C1orf21: variants seen among roughly 807,000 people sequenced by gnomAD.
The protein encoded by C1orf21 is uncharacterized protein C1orf21.
In C1orf21, 3 loss-of-function variants were observed where a neutral mutation model predicts 18.7. That is an observed-to-expected ratio of 0.16 (90% CI 0.07 to 0.42). The LOEUF is 0.42. Ranked by LOEUF, C1orf21 falls within the 10% of genes least tolerant of loss-of-function variation. The pLI, the probability that C1orf21 is intolerant of heterozygous loss-of-function variation, is 0.99. For synonymous variants in C1orf21, 41 were observed against 46.4 expected, an observed-to-expected ratio of 0.88 and a Z score of 0.47; for missense variants, 104 against 143.6, an observed-to-expected ratio of 0.72 and a Z score of 1.41.
intron 3 of C1orf21, among the ~76,000 whole-genome samples, chr1:184,538,623 G>A (rs1658596635): frequency 6.6e-6 from 1 of 152,004 alleles, no homozygotes; most frequent in African/African-American, 2.4e-5. Context: ...CCATTTTGAG[G>A]TCATTTTGTA....
In C1orf21 at chr1:184,619,678, A is replaced by G; in HGVS notation, c.*122A>G. 1 of 802,044 alleles carries G rather than the reference A, an allele frequency of 1.2e-6. No homozygotes were observed. Among genetic ancestry groups the G allele is most frequent in the East Asian group, 2.7e-5 (1 of 36,532 alleles). The allele number at this position is 802,044 out of a possible 1,614,324, so 49.7% of individuals were successfully genotyped here. A position where few individuals can be genotyped will look rare whatever the true frequency, so the allele number is the denominator to read the frequency against. On this transcript the variant is annotated 3_prime_UTR_variant, in exon 6 of 6. Transcript: ENST00000235307. Reference sequence around the variant, plus strand: ...CACTATAGCAAAAGAAGATCGTTCCATATTGTACGCCCCATTAAATTACAG... The same window carrying G: ...CACTATAGCAAAAGAAGATCGTTCCGTATTGTACGCCCCATTAAATTACAG...
intron 1 of C1orf21, among the ~76,000 whole-genome samples, chr1:184,443,275 T>A (rs1351236526): frequency 1.3e-5 from 2 of 152,208 alleles, no homozygotes; most frequent in African/African-American, 4.8e-5. Flanking sequence ...ATTATTAACA[T>A]GTAATGTAAG....
chr1:184,576,492 C>G (rs6424957), intron 3 of C1orf21, among the ~76,000 whole-genome samples: 4,789 of 152,330 alleles, frequency 0.031, 252 homozygotes, highest in African/African-American at 0.11. Flanking sequence ...CTTCTATCCT[C>G]TCACTGTCTT....
intron 2 of C1orf21, among the ~76,000 whole-genome samples, chr1:184,492,322 A>G (rs1657828389): frequency 6.6e-6 from 1 of 152,140 alleles, no homozygotes; most frequent in South Asian, 2.1e-4. Flanking sequence ...TGTGATTGCT[A>G]TGGGAGTGTT....
At chr1:184,392,552 C>A (rs1483064371) in intron 1 of C1orf21, among the ~76,000 whole-genome samples, 1 of 152,072 alleles carries the variant, frequency 6.6e-6, no homozygotes, top group African/African-American at 2.4e-5. Context: ...CACAATATAT[C>A]CATGTCACAG....
intron 1 of C1orf21, among the ~76,000 whole-genome samples, chr1:184,415,894 C>T (rs1208875918): frequency 6.6e-6 from 1 of 152,182 alleles, no homozygotes; most frequent in Non-Finnish European, 1.5e-5. Flanking sequence ...TTGATCCCAT[C>T]ATTGCAAAAG....
Position 184,594,056 on chromosome 1 carries a change from G to A in C1orf21, c.266+3241G>A, listed in dbSNP as rs568618027. Among the ~76,000 whole-genome samples, 18 of 152,326 alleles carry A rather than the reference G, an allele frequency of 1.2e-4. No individual in the cohort carries two copies. In the South Asian group the frequency reaches 3.7e-3, roughly 32 times the overall value. On this transcript the variant is annotated intron_variant, in intron 4 of 5. Transcript: ENST00000235307. The stretch of plus-strand genomic sequence containing the variant: ...GGAACTCACATGGAGTCAGCTATGG[G>A]TGGTTGTCAAGGTCCTCACTTTTGT...
intron 1 of C1orf21, among the ~76,000 whole-genome samples, chr1:184,449,225 G>A (rs1434210365): frequency 2.0e-5 from 3 of 148,090 alleles, no homozygotes; most frequent in Admixed American, 1.4e-4. Context: ...ACAGGCCCCG[G>A]TGTGTGATGT....
chr1:184,390,418 T>C (rs75311563), intron 1 of C1orf21, among the ~76,000 whole-genome samples: 2,412 of 152,262 alleles, frequency 0.016, 66 homozygotes, highest in African/African-American at 0.055. Context: ...GCAGGTCTGA[T>C]CTTACAATGC....
At chr1:184,436,361 T>A (rs1656858328) in intron 1 of C1orf21, among the ~76,000 whole-genome samples, 1 of 152,042 alleles carries the variant, frequency 6.6e-6, no homozygotes, top group African/African-American at 2.4e-5. Flanking sequence ...GTTTGAGATT[T>A]GGAGATTTGG....
At chr1:184,394,301 A>G (rs1361574630) in intron 1 of C1orf21, among the ~76,000 whole-genome samples, 1 of 152,198 alleles carries the variant, frequency 6.6e-6, no homozygotes, top group Non-Finnish European at 1.5e-5. Flanking sequence ...TGGATACTGC[A>G]GCAGTTTCAG....
At chr1:184,452,614 T>C (rs79728469) in intron 1 of C1orf21, among the ~76,000 whole-genome samples, 1,789 of 152,344 alleles carry the variant, frequency 0.012, 42 homozygotes, top group African/African-American at 0.041. Context: ...TTTGTACTTG[T>C]TCACAGTACA....
chr1:184,410,651 ATATATATATATAT>A lies in C1orf21; in HGVS notation c.-125+23285_-125+23297del, dbSNP rs1263032735. ...TATATATATATATATATATATATAT[ATATATATATATAT>A]TTTTTTTTTTTTTTTTTGAGATGGA... On this transcript the variant is annotated intron_variant, in intron 1 of 5. Coordinates refer to ENST00000235307, the MANE Select transcript of C1orf21 (RefSeq NM_030806.4). 2.4e-3 allele frequency among the ~76,000 whole-genome samples: 14 copies of A among 5,722 alleles called. 5 individuals are homozygous for A. The highest frequency in any genetic ancestry group is 0.021 in the African/African-American group (5 of 242). 3.8% of individuals were successfully genotyped at this position (5,722 alleles called of 152,430 possible). A position where few individuals can be genotyped will look rare whatever the true frequency, so the allele number is the denominator to read the frequency against.
At chr1:184,505,606 A>G (rs1190564268) in intron 2 of C1orf21, among the ~76,000 whole-genome samples, 2 of 151,772 alleles carry the variant, frequency 1.3e-5, no homozygotes, top group East Asian at 3.9e-4. Flanking sequence ...TACTAAAAAT[A>G]CAAAAAATTA....
At chr1:184,559,420 AAAC>A (rs1658921303) in intron 3 of C1orf21, among the ~76,000 whole-genome samples, 1 of 151,290 alleles carries the variant, frequency 6.6e-6, no homozygotes, top group African/African-American at 2.4e-5. Flanking sequence ...TGAGCCCATT[AAAC>A]CACTTTTTAA....
At chr1:184,485,371 A>T (rs1189708358) in intron 2 of C1orf21, among the ~76,000 whole-genome samples, 2 of 152,248 alleles carry the variant, frequency 1.3e-5, no homozygotes, top group African/African-American at 4.8e-5. Context: ...AAAATATATG[A>T]AGATGAATTT....
At chr1:184,430,483 G>C (rs532339791) in intron 1 of C1orf21, among the ~76,000 whole-genome samples, 3 of 152,146 alleles carry the variant, frequency 2.0e-5, no homozygotes, top group Non-Finnish European at 4.4e-5. Context: ...ATGTCCATAT[G>C]TATAATTTGT....
chr1:184,608,363 T>C (rs1659680358), intron 5 of C1orf21, among the ~76,000 whole-genome samples: 1 of 152,196 alleles, frequency 6.6e-6, no homozygotes, highest in African/African-American at 2.4e-5. Context: ...TTCCCCTGGG[T>C]CCCAACATGT....
intron 1 of C1orf21, among the ~76,000 whole-genome samples, chr1:184,419,258 A>G (rs1656508257): frequency 6.6e-6 from 1 of 152,262 alleles, no homozygotes; most frequent in African/African-American, 2.4e-5. Flanking sequence ...TGGTGAAGAT[A>G]AAATGAGAAG....
Sources: allele counts gnomAD v4.1 joint callset (sites outside exome capture counted in the v4.1 genomes callset), GRCh38; gene constraint gnomAD v4.1.1; transcripts MANE v1.5; gene names NCBI Gene and HGNC (gene_info 2026-07-23, HGNC 2026-07-21).